The following IGSF10 variants were observed in gnomAD, a reference collection of about 807,000 sequenced individuals.
The protein encoded by IGSF10 is immunoglobulin superfamily member 10.
In IGSF10, 126 loss-of-function variants were observed where a neutral mutation model predicts 128.2. That is an observed-to-expected ratio of 0.98 (90% CI 0.85 to 1.14). The LOEUF (loss-of-function observed/expected upper bound fraction) is 1.14, where lower values mean the gene tolerates loss of function less well. Among genes scored for constraint, IGSF10 ranks in the 50% most tolerant of loss-of-function variants. The pLI, the probability that IGSF10 is intolerant of heterozygous loss-of-function variation, is 0.00. For missense variants in IGSF10, 3,295 were observed against 3,149.8 expected, an observed-to-expected ratio of 1.05 and a Z score of -1.10; for synonymous variants, 1,185 against 1,146.2, an observed-to-expected ratio of 1.03 and a Z score of -0.68.
the IGSF10 span, among the ~76,000 whole-genome samples, chr3:151,517,334 T>C: frequency 6.6e-6 from 1 of 152,020 alleles, no homozygotes; most frequent in Non-Finnish European, 1.5e-5. Context: ...GAGTAGACTG[T>C]TTAGCTCATT....
rs1720468577 is a variant in IGSF10 at position 151,437,631 on chromosome 3, G to T, written c.6930C>A (p.Asp2310Glu). ...CTTCATTTCGGGCCACACAGATAAA[G>T]TCGGCTGAATCTGAAAGCCTCACAT... Reference protein sequence around the residue: ...IRNVRLSDSADFICVARNEGG... With the variant: ...IRNVRLSDSAEFICVARNEGG... Residue 2310 changes from aspartate (D) to glutamate (E), a missense_variant, in exon 8 of 8, where the codon GAC becomes GAA. Transcript: ENST00000282466. 1.9e-6 allele frequency: 3 copies of T among 1,614,038 alleles called. No homozygotes were observed. The highest frequency in any genetic ancestry group is 2.5e-6 in the Non-Finnish European group (3 of 1,180,034).
chr3:151,453,830 G>A (rs1445467025), intron 4 of IGSF10, 56 bp from the exon 5 acceptor site: 1 of 1,090,284 alleles, frequency 9.2e-7, no homozygotes, highest in Admixed American at 2.5e-5. Flanking sequence ...TCACAAGAGG[G>A]AAAAGTCCTA....
the IGSF10 span, among the ~76,000 whole-genome samples, chr3:151,610,866 T>A: frequency 1.3e-5 from 2 of 152,218 alleles, no homozygotes; most frequent in East Asian, 3.9e-4. Context: ...AGATAACTAA[T>A]CTACTCTCTA....
At chr3:151,534,844 C>A in the IGSF10 span, among the ~76,000 whole-genome samples, 5 of 142,456 alleles carry the variant, frequency 3.5e-5, no homozygotes, top group Non-Finnish European at 7.8e-5. Context: ...AAGGTTTGGG[C>A]AGGGTTATAG....
rs200312019 is a variant in IGSF10, at chr3:151,447,913, G to A, written c.2068C>T (p.Leu690Phe). Reference sequence around the variant, plus strand: ...AGTTGTGCACCTGGTGGCTCCTTAAGATGAGCAATAGGATTGGACTCATCA... The same window carrying A: ...AGTTGTGCACCTGGTGGCTCCTTAAAATGAGCAATAGGATTGGACTCATCA... ...GLDESNPIAH[L>F]KEPPGAQLRT... Residue 690 changes from leucine to phenylalanine, a missense_variant, in exon 6 of 8, where the codon CTT becomes TTT. By Grantham distance (22) the Leu-to-Phe change is conservative (BLOSUM62 0). Coordinates refer to ENST00000282466, the MANE Select transcript of IGSF10 (RefSeq NM_178822.5). The A allele has an allele frequency of 6.2e-7, 1 of 1,614,104 alleles. No homozygotes were observed. Among genetic ancestry groups the A allele is most frequent in the African/African-American group, 1.3e-5 (1 of 75,024 alleles).
chr3:151,445,591 G>C lies in IGSF10; in HGVS notation c.4390C>G (p.Pro1464Ala). 6.2e-7 allele frequency: 1 copy of C among 1,614,096 alleles called. No homozygotes were observed. The highest frequency in any genetic ancestry group is 2.2e-5 in the East Asian group (1 of 44,888). ...AGAGTAGCACTGCTGCTCAAGAATG[G>C]TGGTATGGTTGAGTGTCTAATGATT... is the stretch of plus-strand genomic sequence containing the variant. The part of the protein sequence containing the change: ...KAIIRHSTIP[P>A]FLSSSATLMP... Residue 1464 changes from proline (P) to alanine (A), a missense_variant, in exon 6 of 8, where the codon CCA becomes GCA. Physicochemically the swap from Pro to Ala is conservative, Grantham distance 27. Transcript: ENST00000282466.
rs147678532 is a variant in IGSF10 at position 151,446,660 on chromosome 3, C to T, written c.3321G>A (p.Gln1107=). The T allele has an allele frequency of 2.0e-4, 329 of 1,613,922 alleles. No homozygotes were observed. The highest frequency in any genetic ancestry group is 1.6e-4 in the Non-Finnish European group (193 of 1,179,968). Residue 1107 remains glutamine (Q), a synonymous_variant, in exon 6 of 8, where the codon CAG becomes CAA. Transcript: ENST00000282466. ...TGTTCTCAAGTAGTAATAGTGGATT[C>T]TGGACTAGAGTTGTAGACTCTTCTG... ...VPSEESTTLV[Q]NPLLLLENKP...
chr3:151,460,856 C>G, intron 1 of IGSF10, 90 bp downstream of exon 1: 1 of 903,974 alleles, frequency 1.1e-6, no homozygotes, highest in Non-Finnish European at 1.3e-6. Flanking sequence ...CCCGCTTCTG[C>G]AGCCACGGTA....
At chr3:151,515,035 T>A in the IGSF10 span, among the ~76,000 whole-genome samples, 1 of 152,158 alleles carries the variant, frequency 6.6e-6, no homozygotes, top group East Asian at 1.9e-4. Context: ...GTTAACTAGT[T>A]CAACCATTGT....
At chr3:151,614,061 C>A in the IGSF10 span, among the ~76,000 whole-genome samples, 1 of 152,172 alleles carries the variant, frequency 6.6e-6, no homozygotes, top group African/African-American at 2.4e-5. Context: ...GCAAAAAACA[C>A]ATGAAAAAAT....
chr3:151,513,386 A>G, the IGSF10 span, among the ~76,000 whole-genome samples: 2 of 152,330 alleles, frequency 1.3e-5, no homozygotes, highest in African/African-American at 4.8e-5. Context: ...GATTATCTCA[A>G]TAGATGCAGA....
the IGSF10 span, among the ~76,000 whole-genome samples, chr3:151,568,942 C>T: frequency 2.0e-5 from 3 of 152,128 alleles, no homozygotes; most frequent in African/African-American, 4.8e-5. Flanking sequence ...CTACTGTTGA[C>T]GTCACAGTCA....
chr3:151,491,582 G>A, the IGSF10 span, among the ~76,000 whole-genome samples: 2 of 151,962 alleles, frequency 1.3e-5, no homozygotes, highest in Admixed American at 6.6e-5. Context: ...AGTTACAATA[G>A]ACAAACAAAC....
Position 151,447,766 on chromosome 3 carries a change from C to A in IGSF10, c.2215G>T (p.Glu739Ter), listed in dbSNP as rs1301362540. 1.9e-6 allele frequency: 3 copies of A among 1,614,116 alleles called. No individual in the cohort carries two copies. In the South Asian group the frequency reaches 3.3e-5, roughly 18 times the overall value. Residue 739 changes from glutamate to a stop codon, truncating the protein, a stop_gained, in exon 6 of 8, where the codon GAG becomes TAG. Transcript: ENST00000282466. LOFTEE classifies it high-confidence loss of function. ...GAGGGAGGGAAATGCCTCCTATTCT[C>A]CCTAAAACGTCGATGTGTTGAATCT... The part of the protein sequence containing the change: ...RGDSTHRRFR[E>*]NRRHFPPSAR...
the IGSF10 span, among the ~76,000 whole-genome samples, chr3:151,552,105 G>A: frequency 6.6e-6 from 1 of 152,082 alleles, no homozygotes; most frequent in Non-Finnish European, 1.5e-5. Context: ...TCTTGTGATA[G>A]TCAGTTCTCA....
At chr3:151,534,630 G>C in the IGSF10 span, among the ~76,000 whole-genome samples, 2 of 135,406 alleles carry the variant, frequency 1.5e-5, no homozygotes, top group African/African-American at 5.6e-5. Context: ...GGGGAGGGGG[G>C]TCATCACACA....
At chr3:151,596,544 C>T in the IGSF10 span, among the ~76,000 whole-genome samples, 1 of 152,060 alleles carries the variant, frequency 6.6e-6, no homozygotes, top group Non-Finnish European at 1.5e-5. Flanking sequence ...TTTGGCCTTG[C>T]TACAATTGCC....
At chr3:151,562,979 T>C in the IGSF10 span, among the ~76,000 whole-genome samples, 1 of 151,990 alleles carries the variant, frequency 6.6e-6, no homozygotes, top group Admixed American at 6.6e-5. Flanking sequence ...ACCCAAAACA[T>C]AGGGCCTCAA....
At chr3:151,594,070 G>T in the IGSF10 span, among the ~76,000 whole-genome samples, 1 of 152,098 alleles carries the variant, frequency 6.6e-6, no homozygotes. Context: ...GTCTGCTCTG[G>T]GTTTCAGCTC....
Sources: gnomAD v4.1 joint callset for allele counts (sites outside exome capture counted in the v4.1 genomes callset) on GRCh38, gnomAD v4.1.1 for gene constraint, MANE v1.5 for transcripts, NCBI Gene and HGNC (gene_info 2026-07-23, HGNC 2026-07-21) for gene names.